Variants in ADSL observed in about 807,000 individuals in gnomAD.
ADSL encodes adenylosuccinate lyase.
In ADSL, 44 loss-of-function variants were observed where a neutral mutation model predicts 62.1. That is an observed-to-expected ratio of 0.71 (90% CI 0.56 to 0.91). ADSL has a LOEUF of 0.91. Ranked by LOEUF, ADSL falls within the 40% of genes least tolerant of loss-of-function variation. The pLI is 0.00. For synonymous variants in ADSL, 198 were observed against 220.5 expected, an observed-to-expected ratio of 0.90 and a Z score of 0.90; for missense variants, 531 against 627.4, an observed-to-expected ratio of 0.85 and a Z score of 1.64.
Position 40,354,347 on chromosome 22 carries a change from C to G in ADSL, c.482+20C>G. 6.3e-7 allele frequency: 1 copy of G among 1,588,996 alleles called. No homozygotes were observed. Among genetic ancestry groups the G allele is most frequent in the South Asian group, 1.1e-5 (1 of 90,526 alleles). On this transcript the variant is annotated intron_variant, in intron 4 of 12. Coordinates refer to ENST00000623063, the MANE Select transcript of ADSL (RefSeq NM_000026.4). ...TTTCCAGTAAGTGATAAGATTACTT[C>G]TTGTTTATGTGCATATGGCTTTCAG...
intron 3 of ADSL, chr22:40,353,525 C>G (rs932557626): frequency 8.2e-5 from 53 of 648,702 alleles, no homozygotes; most frequent in Non-Finnish European, 1.4e-4. Flanking sequence ...CTCAAGGGAT[C>G]CACCCGTCTT....
chr22:40,355,228 T>C (rs1264550581), intron 4 of ADSL, among the ~76,000 whole-genome samples: 1 of 152,126 alleles, frequency 6.6e-6, no homozygotes, highest in Non-Finnish European at 1.5e-5. Context: ...CTACAACCTC[T>C]ACGTCCTGGG....
intron 6 of ADSL, among the ~76,000 whole-genome samples, chr22:40,360,006 C>A (rs1011429799): frequency 1.3e-5 from 2 of 152,204 alleles, no homozygotes; most frequent in Admixed American, 6.5e-5. Flanking sequence ...ATGGCTCCTT[C>A]TCCCAGGCAT....
intron 11 of ADSL, 68 bp downstream of exon 11, chr22:40,364,433 A>G: frequency 7.4e-7 from 1 of 1,348,372 alleles, no homozygotes; most frequent in Non-Finnish European, 1.1e-6. Context: ...TTCTCCGTGA[A>G]GGAGAGCAGA....
rs1298040485 is a variant in ADSL, at chr22:40,361,667, G to A, written c.1010+32G>A. On this transcript the variant is annotated intron_variant, in intron 9 of 12. Coordinates refer to ENST00000623063, the MANE Select transcript of ADSL (RefSeq NM_000026.4). ...GGCACAGGGACATCACATACACCAA[G>A]TTGAGTGGAGGTCTGAAGGAGGGAC... The A allele has an allele frequency of 2.5e-6, 4 of 1,608,774 alleles. No homozygotes were observed. The East Asian group carries it at 6.7e-5, about 27-fold the overall frequency.
downstream of ADSL, chr22:40,369,459 AATATACATTC>A (rs1040489052): frequency 2.7e-4 from 40 of 147,882 alleles, no homozygotes; most frequent in Non-Finnish European, 4.5e-4. Flanking sequence ...TATTATATAT[AATATACATTC>A]ATATATATTA....
Position 40,366,685 on chromosome 22 carries a change from AG to A in ADSL, c.*165del. On this transcript the variant is annotated 3_prime_UTR_variant, in exon 13 of 13. Transcript: ENST00000623063. Reference sequence around the variant, plus strand: ...TTTCTCAGTCTCACATTTCTCAACAAGGCAAAAACAAAGAGCGTTGAAGTTG... The same window carrying A: ...TTTCTCAGTCTCACATTTCTCAACAAGCAAAAACAAAGAGCGTTGAAGTTG... The A allele has an allele frequency of 1.6e-6, 1 of 639,220 alleles. No homozygotes were observed. The highest frequency in any genetic ancestry group is 1.8e-5 in the South Asian group (1 of 56,964). 39.6% of individuals were successfully genotyped at this position (639,220 alleles called of 1,614,324 possible).
At chr22:40,352,364 TAAAAATAC>T (rs2044380201) in intron 2 of ADSL, among the ~76,000 whole-genome samples, 2 of 151,954 alleles carry the variant, frequency 1.3e-5, no homozygotes, top group African/African-American at 4.8e-5. Flanking sequence ...CTGTCTCTAC[TAAAAATAC>T]AAAAAATTAG....
At chr22:40,371,721 G>A (rs1175728359), downstream of ADSL, among the ~76,000 whole-genome samples, 2 of 150,676 alleles carry the variant, frequency 1.3e-5, no homozygotes, top group African/African-American at 2.5e-5. Context: ...TTTTTAAGAC[G>A]GGAGTTTCGC....
In ADSL at chr22:40,354,232, A is replaced by G. The variant is rs2044462785; in HGVS notation, c.403-16A>G. 2 of 1,612,410 alleles carry G rather than the reference A, an allele frequency of 1.2e-6. No individual in the cohort carries two copies. Among genetic ancestry groups the G allele is most frequent in the South Asian group, 1.1e-5 (1 of 91,068 alleles). ...CCTGAATTCAACCTCTTTCTATCACATGATCTTTCTTGTAGCTTGCCAGAG... is the reference window on the plus strand; with the variant it reads ...CCTGAATTCAACCTCTTTCTATCACGTGATCTTTCTTGTAGCTTGCCAGAG... On this transcript the variant is annotated splice_polypyrimidine_tract_variant and intron_variant, in intron 3 of 12. Transcript: ENST00000623063.
chr22:40,352,639 C>T (rs2044393796), intron 2 of ADSL, among the ~76,000 whole-genome samples: 1 of 152,188 alleles, frequency 6.6e-6, no homozygotes, highest in South Asian at 2.1e-4. Flanking sequence ...TTGACTTGCA[C>T]ATTTTCCAGT....
chr22:40,357,204 A>G (rs2044596908), intron 4 of ADSL, among the ~76,000 whole-genome samples: 1 of 123,724 alleles, frequency 8.1e-6, no homozygotes, highest in Non-Finnish European at 1.7e-5. Context: ...CCTCGTAATT[A>G]TGTTTTATGT....
chr22:40,387,005 A>G (rs1051412326), intron 2 of ADSL, among the ~76,000 whole-genome samples: 16 of 152,098 alleles, frequency 1.1e-4, no homozygotes, highest in African/African-American at 3.9e-4. Context: ...TCCCAAGTCA[A>G]GATATTTTGT....
At chr22:40,386,589 T>TA (rs1601853811) in intron 2 of ADSL, among the ~76,000 whole-genome samples, 2 of 144,282 alleles carry the variant, frequency 1.4e-5, no homozygotes, top group African/African-American at 2.6e-5. Flanking sequence ...TTTTTTTTTT[T>TA]AATAAAAAGA....
intron 2 of ADSL, among the ~76,000 whole-genome samples, chr22:40,375,743 A>G (rs182339535): frequency 1.3e-5 from 2 of 152,106 alleles, no homozygotes; most frequent in East Asian, 3.9e-4. Flanking sequence ...CTGCAAGCTA[A>G]CACTCTAAAG....
chr22:40,377,890 T>C (rs2046909079), intron 2 of ADSL, among the ~76,000 whole-genome samples: 1 of 151,064 alleles, frequency 6.6e-6, no homozygotes, highest in African/African-American at 2.4e-5. Context: ...AACTTTAACC[T>C]GAAGAGGAGA....
At chr22:40,365,106 C>T (rs764186571) in intron 12 of ADSL, 50 bp downstream of exon 12, 2 of 1,562,984 alleles carry the variant, frequency 1.3e-6, no homozygotes, top group East Asian at 4.5e-5. Flanking sequence ...ACCTGGGGTA[C>T]TCTCTTTGAT....
At chr22:40,353,232 AGGT>A in intron 3 of ADSL, 115 bp downstream of exon 3, 2 of 817,766 alleles carry the variant, frequency 2.4e-6, no homozygotes, top group Non-Finnish European at 4.3e-6. Context: ...TCATTTTTTC[AGGT>A]GAATGACAAC....
chr22:40,354,446 A>ACTTAT, intron 4 of ADSL, 119 bp downstream of exon 4: 2 of 840,826 alleles, frequency 2.4e-6, no homozygotes, highest in Non-Finnish European at 4.2e-6. Context: ...AAATATAAGT[A>ACTTAT]ATTTGGGATG....
Sources: gnomAD v4.1 joint callset for allele counts (sites outside exome capture counted in the v4.1 genomes callset) on GRCh38, gnomAD v4.1.1 for gene constraint, MANE v1.5 for transcripts, NCBI Gene and HGNC (gene_info 2026-07-23, HGNC 2026-07-21) for gene names.